Variants in MEF2A observed in about 807,000 individuals in gnomAD.
MEF2A encodes the protein myocyte-specific enhancer factor 2A.
Under a neutral mutation model 55.8 loss-of-function variants are expected in MEF2A, and 28 were observed. The observed-to-expected ratio is 0.50, with a 90% CI of 0.37 to 0.69. The LOEUF is 0.69. Ranked by LOEUF, MEF2A falls within the 30% of genes least tolerant of loss-of-function variation. MEF2A has a pLI of 0.00. For missense variants in MEF2A, 528 were observed against 626.2 expected, an observed-to-expected ratio of 0.84 and a Z score of 1.67; for synonymous variants, 239 against 227.1, an observed-to-expected ratio of 1.05 and a Z score of -0.47.
chr15:99,671,590 A>G (rs1326741833), intron 5 of MEF2A, 136 bp downstream of exon 5: 2 of 1,606,116 alleles, frequency 1.2e-6, no homozygotes, highest in East Asian at 2.2e-5. Context: ...CTAACTCCAC[A>G]TACAGAAGAA....
intron 7 of MEF2A, among the ~76,000 whole-genome samples, chr15:99,687,371 G>T (rs1160751779): frequency 1.3e-5 from 2 of 152,128 alleles, no homozygotes; most frequent in Non-Finnish European, 2.9e-5. Flanking sequence ...GTGTGGGTGT[G>T]TGTGTGTATT....
chr15:99,609,055 C>T (rs1976182844), intron 2 of MEF2A, among the ~76,000 whole-genome samples: 1 of 152,138 alleles, frequency 6.6e-6, no homozygotes, highest in African/African-American at 2.4e-5. Context: ...GGAAAAGGCC[C>T]CTCTGATTTT....
intron 4 of MEF2A, among the ~76,000 whole-genome samples, chr15:99,666,580 T>TAATAATAATAATAAG (rs1205471976): frequency 7.3e-6 from 1 of 136,610 alleles, no homozygotes; most frequent in Non-Finnish European, 1.6e-5. Flanking sequence ...ACTTAAAGTA[T>TAATAATAATAATAAG]AATAATAATA....
intron 2 of MEF2A, among the ~76,000 whole-genome samples, chr15:99,613,761 A>AT: frequency 6.6e-6 from 1 of 152,196 alleles, no homozygotes; most frequent in South Asian, 2.1e-4. Context: ...TTGTATTTTG[A>AT]CAGCCCATGG....
At chr15:99,671,209 C>T in intron 4 of MEF2A, 114 bp from the exon 5 acceptor site, 1 of 1,096,636 alleles carries the variant, frequency 9.1e-7, no homozygotes, top group Non-Finnish European at 1.3e-6. Context: ...GAAACCGTTT[C>T]AGTGGCTCTT....
chr15:99,599,434 A>G (rs974614158), intron 2 of MEF2A, among the ~76,000 whole-genome samples: 2 of 152,154 alleles, frequency 1.3e-5, no homozygotes, highest in East Asian at 1.9e-4. Flanking sequence ...GCTACTTAAC[A>G]TAGGTCTAAA....
chr15:99,699,068 AAAC>A (rs940717338), intron 8 of MEF2A, among the ~76,000 whole-genome samples: 7 of 151,562 alleles, frequency 4.6e-5, no homozygotes, highest in South Asian at 2.1e-4. Context: ...AAAAAAAAAA[AAAC>A]AAAAAAAACT....
chr15:99,599,208 T>C (rs1481694896), intron 2 of MEF2A, among the ~76,000 whole-genome samples: 1 of 152,112 alleles, frequency 6.6e-6, no homozygotes, highest in Non-Finnish European at 1.5e-5. Context: ...CACCTTCTAC[T>C]TAAAATGGAA....
At chr15:99,700,903 T>C (rs1374537615) in intron 8 of MEF2A, among the ~76,000 whole-genome samples, 2 of 114,904 alleles carry the variant, frequency 1.7e-5, no homozygotes, top group Non-Finnish European at 4.1e-5. Flanking sequence ...TATAAATAAA[T>C]GATAGAATAA....
intron 2 of MEF2A, among the ~76,000 whole-genome samples, chr15:99,625,285 G>T (rs182808004): frequency 6.6e-6 from 1 of 152,028 alleles, no homozygotes; most frequent in African/African-American, 2.4e-5. Flanking sequence ...TTTGTGTGTT[G>T]ATTTTGTATT....
At chr15:99,597,681 G>A (rs1032761287) in intron 1 of MEF2A, among the ~76,000 whole-genome samples, 5 of 152,046 alleles carry the variant, frequency 3.3e-5, no homozygotes, top group Admixed American at 6.6e-5. Flanking sequence ...GGGGCATCAC[G>A]GAACCTACCG....
intron 3 of MEF2A, among the ~76,000 whole-genome samples, chr15:99,640,065 C>T (rs1354238117): frequency 2.0e-5 from 3 of 152,154 alleles, no homozygotes; most frequent in Non-Finnish European, 2.9e-5. Flanking sequence ...TTAAGACTTG[C>T]TTTATTTCCT....
At chr15:99,705,702 T>C (rs1597306116) in intron 9 of MEF2A, among the ~76,000 whole-genome samples, 1 of 152,226 alleles carries the variant, frequency 6.6e-6, no homozygotes, top group Non-Finnish European at 1.5e-5. Flanking sequence ...ATGTACCCTT[T>C]TGAAAATTGT....
intron 4 of MEF2A, among the ~76,000 whole-genome samples, chr15:99,669,848 T>C (rs77288243): frequency 0.037 from 5,633 of 152,346 alleles, 151 homozygotes; most frequent in Middle Eastern, 0.075. Flanking sequence ...TAAAGGATAC[T>C]AAGATCTGCT....
intron 2 of MEF2A, among the ~76,000 whole-genome samples, chr15:99,603,518 A>G (rs1225033935): frequency 7.1e-6 from 1 of 140,328 alleles, no homozygotes; most frequent in Non-Finnish European, 1.5e-5. Context: ...GACTGTAGGC[A>G]TGCAGCCATC....
At chr15:99,584,841 T>A (rs1022070520) in intron 1 of MEF2A, among the ~76,000 whole-genome samples, 1 of 152,226 alleles carries the variant, frequency 6.6e-6, no homozygotes, top group African/African-American at 2.4e-5. Flanking sequence ...GTGAATTGTA[T>A]GTAAATTATA....
intron 4 of MEF2A, among the ~76,000 whole-genome samples, chr15:99,670,205 G>T (rs2050580668): frequency 6.6e-6 from 1 of 152,064 alleles, no homozygotes. Context: ...GTTATTTCAT[G>T]ATGAATTTAA....
At chr15:99,670,820 A>G (rs747681998) in intron 4 of MEF2A, among the ~76,000 whole-genome samples, 1 of 152,266 alleles carries the variant, frequency 6.6e-6, no homozygotes, top group Non-Finnish European at 1.5e-5. Context: ...GAAAGTGAAT[A>G]ATAGGAATGA....
chr15:99,571,207 C>T (rs1044290942), intron 1 of MEF2A, among the ~76,000 whole-genome samples: 3 of 151,138 alleles, frequency 2.0e-5, no homozygotes, highest in Non-Finnish European at 4.4e-5. Context: ...ACAACAACAA[C>T]AACAACAGAC....
Sources: allele counts gnomAD v4.1 joint callset (sites outside exome capture counted in the v4.1 genomes callset), GRCh38; gene constraint gnomAD v4.1.1; transcripts MANE v1.5; gene names NCBI Gene and HGNC (gene_info 2026-07-23, HGNC 2026-07-21).